The following LYSMD3 variants were observed in gnomAD, a reference collection of about 807,000 sequenced individuals.
LYSMD3 encodes LysM domain containing 3.
Under a neutral mutation model 26.1 loss-of-function variants are expected in LYSMD3, and 13 were observed. The ratio of observed to expected loss-of-function variants is 0.50; its 90% CI spans 0.32 to 0.79. The LOEUF (loss-of-function observed/expected upper bound fraction) is 0.79, where lower values mean the gene tolerates loss of function less well. LYSMD3 is among the 30% of genes least tolerant of loss of function. LYSMD3 has a pLI of 0.03. For synonymous variants in LYSMD3, 109 were observed against 119.4 expected (o/e 0.91, Z 0.57); for missense variants, 331 against 362.5 (o/e 0.91, Z 0.71).
In LYSMD3 at chr5:90,525,170, A is replaced by G; in HGVS notation, c.120T>C (p.Tyr40=). Residue 40 remains tyrosine (Y), a synonymous_variant, in exon 2 of 3, where the codon TAT becomes TAC. Coordinates refer to ENST00000315948, the MANE Select transcript of LYSMD3 (RefSeq NM_198273.2). ...SDILEEDAEV[Y]ELRSRGKEKV... ...TCTCTTTTCCTCTGGATCGAAGTTC[A>G]TACACTTCAGCATCCTCCTCCAAAA... 2 of 1,614,102 alleles carry G rather than the reference A, an allele frequency of 1.2e-6. No individual in the cohort carries two copies. Among genetic ancestry groups the G allele is most frequent in the South Asian group, 1.1e-5 (1 of 91,088 alleles).
At chr5:90,525,963 C>T (rs542053692) in intron 1 of LYSMD3, among the ~76,000 whole-genome samples, 379 of 152,098 alleles carry the variant, frequency 2.5e-3, no homozygotes, top group African/African-American at 8.6e-3. Flanking sequence ...AATATAAAAT[C>T]GTAAATTCCC....
chr5:90,529,093 T>C (rs1580236412), intron 1 of LYSMD3, among the ~76,000 whole-genome samples: 1 of 152,216 alleles, frequency 6.6e-6, no homozygotes, highest in Non-Finnish European at 1.5e-5. Flanking sequence ...GAGTCTTCTG[T>C]CACAGCATGA....
In LYSMD3 at chr5:90,518,978, C is replaced by T. The variant is rs764510947; in HGVS notation, c.762G>A (p.Val254=). The T allele has an allele frequency of 2.5e-6, 4 of 1,613,886 alleles. No individual in the cohort carries two copies. The South Asian group carries it at 4.4e-5, about 18-fold the overall frequency. ...AKVDVSHHST[V]DSSHLHSKIT... ...TTTTTGAATGTAAATGTGAAGAGTC[C>T]ACTGTTGAATGATGACTAACATCCA... is the stretch of plus-strand genomic sequence containing the variant. The change falls in exon 3 of 3, where the codon GTG becomes GTA. Residue 254 remains valine, a synonymous_variant. Coordinates refer to ENST00000315948, the MANE Select transcript of LYSMD3 (RefSeq NM_198273.2).
At chr5:90,526,036 C>CTATATAACTTATATAGTGACT (rs1288610492) in intron 1 of LYSMD3, among the ~76,000 whole-genome samples, 2 of 152,160 alleles carry the variant, frequency 1.3e-5, no homozygotes, top group Non-Finnish European at 2.9e-5. Flanking sequence ...AAACTTGTGA[C>CTATATAACTTATATAGTGACT]TATATAACTT....
intron 2 of LYSMD3, among the ~76,000 whole-genome samples, chr5:90,522,075 A>G (rs370200190): frequency 5.1e-4 from 77 of 152,158 alleles, no homozygotes; most frequent in African/African-American, 1.7e-3. Context: ...GTAATCTCCA[A>G]TGTTAGGGGT....
At position 90,529,541 on chromosome 5, in the gene LYSMD3, T is replaced by A. The variant is rs1025706321; in HGVS notation, c.-105A>T. On this transcript the variant is annotated 5_prime_UTR_variant, in exon 1 of 3. Transcript: ENST00000315948. Reference sequence around the variant, plus strand: ...GTAAGTTCATGGCCGAGCCTCTGCTTTGGGCTGACCCCGTCCGCCTCCGCC... The same window carrying A: ...GTAAGTTCATGGCCGAGCCTCTGCTATGGGCTGACCCCGTCCGCCTCCGCC... The A allele has an allele frequency of 8.8e-6, 4 of 456,496 alleles. No homozygotes were observed. Among genetic ancestry groups the A allele is most frequent in the African/African-American group, 6.0e-5 (3 of 50,042 alleles). The allele number at this position is 456,496 out of a possible 1,614,324, so 28.3% of individuals were successfully genotyped here.
At chr5:90,522,125 C>T (rs1753105488) in intron 2 of LYSMD3, among the ~76,000 whole-genome samples, 1 of 152,042 alleles carries the variant, frequency 6.6e-6, no homozygotes, top group Non-Finnish European at 1.5e-5. Context: ...AGGTAGATTT[C>T]CCCCTTGATA....
intron 2 of LYSMD3, among the ~76,000 whole-genome samples, chr5:90,522,627 T>G (rs1041550832): frequency 3.0e-4 from 46 of 152,244 alleles, no homozygotes; most frequent in African/African-American, 1.1e-3. Context: ...GTATCACTCC[T>G]GTTAAAACTC....
chr5:90,523,808 A>G (rs1215827028), intron 2 of LYSMD3, among the ~76,000 whole-genome samples: 1 of 152,196 alleles, frequency 6.6e-6, no homozygotes, highest in Non-Finnish European at 1.5e-5. Context: ...GCAATGAGGT[A>G]CATAGTACAT....
At chr5:90,525,443 T>TTTTTGTTTTGTTTTG (rs370409381) in intron 1 of LYSMD3, 143 bp from the exon 2 acceptor site, 2 of 899,376 alleles carry the variant, frequency 2.2e-6, no homozygotes, top group Non-Finnish European at 3.2e-6. Flanking sequence ...TAAGTTCGTT[T>TTTTTGTTTTGTTTTG]TTTTGTTTTG....
At chr5:90,521,887 C>T (rs1012957768) in intron 2 of LYSMD3, among the ~76,000 whole-genome samples, 6 of 152,176 alleles carry the variant, frequency 3.9e-5, no homozygotes, top group Middle Eastern at 3.4e-3. Context: ...GAATATACCA[C>T]TAGCTACTTA....
At chr5:90,528,934 C>G (rs965127269) in intron 1 of LYSMD3, among the ~76,000 whole-genome samples, 1 of 152,172 alleles carries the variant, frequency 6.6e-6, no homozygotes. Context: ...TCACAGGGCA[C>G]AAGTTAAAGC....
rs1267820224 is a variant in LYSMD3, at chr5:90,529,485, G to A, written c.-49C>T. ...GCAGGGAGCACTCTGCGAGAAGATG[G>A]CCAAAAGGTCCGCCGCCGCCGCTGT... On this transcript the variant is annotated 5_prime_UTR_variant, in exon 1 of 3. Transcript: ENST00000315948. The A allele has an allele frequency of 6.6e-6, 3 of 456,614 alleles. No individual in the cohort carries two copies. Among genetic ancestry groups the A allele is most frequent in the South Asian group, 3.1e-5 (2 of 64,568 alleles). 28.3% of individuals were successfully genotyped at this position (456,614 alleles called of 1,614,324 possible). A position where few individuals can be genotyped will look rare whatever the true frequency, so the allele number is the denominator to read the frequency against.
intron 2 of LYSMD3, among the ~76,000 whole-genome samples, 175 bp downstream of exon 2, chr5:90,524,860 G>C (rs905233643): frequency 6.6e-6 from 1 of 152,120 alleles, no homozygotes; most frequent in Non-Finnish European, 1.5e-5. Flanking sequence ...CCAAAGTGCT[G>C]GGATTACAGG....
intron 1 of LYSMD3, among the ~76,000 whole-genome samples, chr5:90,525,697 A>C (rs1342807277): frequency 6.6e-6 from 1 of 152,092 alleles, no homozygotes; most frequent in Non-Finnish European, 1.5e-5. Context: ...TGATCTGCCC[A>C]CTTCAGCCTC....
At chr5:90,525,978 T>C (rs1258639547) in intron 1 of LYSMD3, among the ~76,000 whole-genome samples, 1 of 152,232 alleles carries the variant, frequency 6.6e-6, no homozygotes, top group Non-Finnish European at 1.5e-5. Flanking sequence ...ATTCCCCTTA[T>C]TCTGAGTATG....
chr5:90,524,509 T>G (rs187487961), intron 2 of LYSMD3, among the ~76,000 whole-genome samples: 1 of 152,348 alleles, frequency 6.6e-6, no homozygotes, highest in African/African-American at 2.4e-5. Context: ...AATACTGAAA[T>G]TCGTGGATTT....
In LYSMD3 at chr5:90,525,201, C is replaced by T. The variant is rs767911084; in HGVS notation, c.89G>A (p.Ser30Asn). The T allele has an allele frequency of 3.8e-5, 61 of 1,613,960 alleles. No homozygotes were observed. Among genetic ancestry groups the T allele is most frequent in the Non-Finnish European group, 5.2e-5 (61 of 1,180,022 alleles). Residue 30 changes from serine (S) to asparagine (N), a missense_variant, in exon 2 of 3, where the codon AGT (serine) becomes AAT (asparagine). This residue lies in a region of LYSMD3 where 262 missense variants were observed against 267.3 expected (regional missense o/e 0.98). Transcript: ENST00000315948. ...TTCAGCATCCTCCTCCAAAATATCA[C>T]TGTCTGAACAATTTCCAAATGCATG... ...QVHAFGNCSDSDILEEDAEVY... is the reference protein window; with the variant it reads ...QVHAFGNCSDNDILEEDAEVY...
chr5:90,526,273 C>T (rs1018681865), intron 1 of LYSMD3, among the ~76,000 whole-genome samples: 3 of 152,126 alleles, frequency 2.0e-5, no homozygotes, highest in Admixed American at 2.0e-4. Flanking sequence ...GCTTTTTAGC[C>T]AACTTAGAGT....
Sources: allele counts gnomAD v4.1 joint callset (sites outside exome capture counted in the v4.1 genomes callset), GRCh38; gene constraint gnomAD v4.1.1; regional missense constraint gnomAD v4.1.1; transcripts MANE v1.5; gene names NCBI Gene and HGNC (gene_info 2026-07-23, HGNC 2026-07-21).